AKAP19: variants seen among roughly 807,000 people sequenced by gnomAD.
AKAP19 encodes the protein small A-kinase anchoring protein.
At chr2:189,904,951 C>A in the AKAP19 span, among the ~76,000 whole-genome samples, 1 of 152,026 alleles carries the variant, frequency 6.6e-6, no homozygotes, top group African/African-American at 2.4e-5. Flanking sequence ...TAGTTATTTT[C>A]ATTTATTACC....
the AKAP19 span, among the ~76,000 whole-genome samples, chr2:190,065,320 T>C: frequency 6.6e-6 from 1 of 152,102 alleles, no homozygotes; most frequent in Non-Finnish European, 1.5e-5. Context: ...TACTGTGTGA[T>C]AGATACAGAG....
At chr2:189,974,194 G>A in the AKAP19 span, among the ~76,000 whole-genome samples, 1 of 151,930 alleles carries the variant, frequency 6.6e-6, no homozygotes, top group Non-Finnish European at 1.5e-5. Flanking sequence ...TGTTCTCGTT[G>A]GTTTCAAAGA....
the AKAP19 span, chr2:189,930,963 A>T: frequency 1.2e-6 from 1 of 832,628 alleles, no homozygotes. Context: ...GAGACTCCTG[A>T]AGCAGGGAGA....
chr2:189,956,960 G>A, the AKAP19 span, among the ~76,000 whole-genome samples: 16 of 152,062 alleles, frequency 1.1e-4, no homozygotes, highest in African/African-American at 3.4e-4. Context: ...ATTTAATTCC[G>A]AGTTCAGGAG....
the AKAP19 span, among the ~76,000 whole-genome samples, chr2:190,149,464 A>G: frequency 2.0e-5 from 3 of 152,118 alleles, no homozygotes; most frequent in African/African-American, 4.8e-5. Context: ...GCTTAGGGCT[A>G]TGAACTTTCC....
chr2:190,118,738 A>G, the AKAP19 span, among the ~76,000 whole-genome samples: 3 of 152,234 alleles, frequency 2.0e-5, no homozygotes, highest in Admixed American at 1.3e-4. Context: ...AGAGCTATTT[A>G]TGACAAACCC....
At chr2:190,154,829 G>T in the AKAP19 span, among the ~76,000 whole-genome samples, 11 of 152,284 alleles carry the variant, frequency 7.2e-5, no homozygotes, top group South Asian at 1.7e-3. Flanking sequence ...TGGCCATTTG[G>T]GTAGGGAACA....
the AKAP19 span, among the ~76,000 whole-genome samples, chr2:189,941,285 A>G: frequency 8.5e-5 from 13 of 152,238 alleles, no homozygotes; most frequent in African/African-American, 3.1e-4. Context: ...ATTGAAAAGT[A>G]TAAAATCCAC....
chr2:189,906,892 G>A, the AKAP19 span, among the ~76,000 whole-genome samples: 1 of 152,090 alleles, frequency 6.6e-6, no homozygotes, highest in African/African-American at 2.4e-5. Flanking sequence ...TCAATTTCAT[G>A]TGAAGATAGC....
At chr2:189,914,884 A>G in the AKAP19 span, among the ~76,000 whole-genome samples, 442 of 152,212 alleles carry the variant, frequency 2.9e-3, 1 homozygote, top group Middle Eastern at 0.014. Context: ...TAGAGCCTGG[A>G]TTTAAACCCA....
chr2:190,181,004 TC>T, the AKAP19 span: 1 of 985,588 alleles, frequency 1.0e-6, no homozygotes, highest in Non-Finnish European at 1.2e-6. Context: ...ACAGGGCTGC[TC>T]CGGGAGCTTC....
the AKAP19 span, among the ~76,000 whole-genome samples, chr2:190,077,744 G>A: frequency 6.6e-6 from 1 of 152,186 alleles, no homozygotes; most frequent in African/African-American, 2.4e-5. Context: ...TTCCTTTGAA[G>A]AGTGTTGAAG....
the AKAP19 span, among the ~76,000 whole-genome samples, chr2:190,002,968 T>C: frequency 6.6e-6 from 1 of 152,226 alleles, no homozygotes; most frequent in Non-Finnish European, 1.5e-5. Flanking sequence ...GCCATCATTT[T>C]CTTGTAATCC....
At chr2:189,900,731 T>C in the AKAP19 span, among the ~76,000 whole-genome samples, 1 of 152,098 alleles carries the variant, frequency 6.6e-6, no homozygotes, top group Non-Finnish European at 1.5e-5. Flanking sequence ...ATGTGGGCAG[T>C]AAAAAGAATT....
At chr2:189,960,535 C>T in the AKAP19 span, among the ~76,000 whole-genome samples, 1 of 152,126 alleles carries the variant, frequency 6.6e-6, no homozygotes, top group Non-Finnish European at 1.5e-5. Flanking sequence ...ATTACTAGGA[C>T]CCAAGCTTAT....
At chr2:190,027,248 G>A in the AKAP19 span, among the ~76,000 whole-genome samples, 1 of 152,156 alleles carries the variant, frequency 6.6e-6, no homozygotes, top group Non-Finnish European at 1.5e-5. Flanking sequence ...GGACATGCAT[G>A]CACAATGCTC....
the AKAP19 span, among the ~76,000 whole-genome samples, chr2:190,169,941 A>G: frequency 7.2e-5 from 11 of 152,336 alleles, no homozygotes; most frequent in African/African-American, 2.6e-4. Flanking sequence ...ATGAGAACAT[A>G]AGATAAGAGC....
the AKAP19 span, among the ~76,000 whole-genome samples, chr2:189,980,565 C>T: frequency 3.3e-5 from 5 of 152,128 alleles, no homozygotes; most frequent in Non-Finnish European, 7.4e-5. Flanking sequence ...GAACTCCTGA[C>T]CTCAAGTGAG....
chr2:190,125,215 C>T, the AKAP19 span, among the ~76,000 whole-genome samples: 1 of 152,152 alleles, frequency 6.6e-6, no homozygotes, highest in Non-Finnish European at 1.5e-5. Context: ...GTGCATTGTA[C>T]TATGACATCA....
Sources: allele counts gnomAD v4.1 joint callset (sites outside exome capture counted in the v4.1 genomes callset), GRCh38; gene constraint gnomAD v4.1.1; transcripts MANE v1.5; gene names NCBI Gene and HGNC (gene_info 2026-07-23, HGNC 2026-07-21).